ULK4: variants seen among roughly 807,000 people sequenced by gnomAD.
ULK4 encodes the protein unc-51 like kinase 4.
Under a neutral mutation model 160.6 loss-of-function variants are expected in ULK4, and 133 were observed. The observed-to-expected ratio is 0.83, with a 90% confidence interval of 0.72 to 0.96. The LOEUF (loss-of-function observed/expected upper bound fraction) is 0.96, where lower values mean the gene tolerates loss of function less well. Ranked by LOEUF, ULK4 falls within the 40% of genes least tolerant of loss-of-function variation. The pLI, the probability that ULK4 is intolerant of heterozygous loss-of-function variation, is 0.00. For missense variants in ULK4, 1,580 were observed against 1,499.5 expected (o/e 1.05, Z -0.89); for synonymous variants, 534 against 539.8 (o/e 0.99, Z 0.15).
intron 32 of ULK4, among the ~76,000 whole-genome samples, chr3:41,478,587 A>T (rs903380118): frequency 6.6e-6 from 1 of 152,130 alleles, no homozygotes; most frequent in Non-Finnish European, 1.5e-5. Context: ...GAAATCCTGA[A>T]TTTTTGCTGC....
Position 41,706,394 on chromosome 3 carries a change from AT to A in ULK4, c.2635-1090del, listed in dbSNP as rs1048595165. 6.2e-5 allele frequency among the ~76,000 whole-genome samples: 9 copies of A among 146,112 alleles called. No individual in the cohort carries two copies. In the East Asian group the frequency reaches 1.6e-3, roughly 25 times the overall value. On this transcript the variant is annotated intron_variant, in intron 25 of 36. Transcript: ENST00000301831. ...ATATTTAATATATATATTTATATAT[AT>A]TAAATATATATAATTAAATATATAT...
intron 29 of ULK4, among the ~76,000 whole-genome samples, chr3:41,676,970 A>C (rs1427034075): frequency 1.4e-5 from 2 of 144,004 alleles, no homozygotes; most frequent in African/African-American, 5.5e-5. Flanking sequence ...GGAGTGGTAG[A>C]ATCACGGTCA....
intron 35 of ULK4, among the ~76,000 whole-genome samples, chr3:41,375,326 AC>A (rs1354078214): frequency 6.6e-6 from 1 of 151,950 alleles, no homozygotes; most frequent in African/African-American, 2.4e-5. Flanking sequence ...TATAGCCAAG[AC>A]AATCCTAAGC....
chr3:41,524,934 C>T (rs577839291), intron 32 of ULK4, among the ~76,000 whole-genome samples: 13 of 152,114 alleles, frequency 8.5e-5, no homozygotes, highest in African/African-American at 3.1e-4. Flanking sequence ...AAGACTCTGT[C>T]TCCAAAAAGA....
chr3:41,645,878 T>G (rs985459179), intron 30 of ULK4, among the ~76,000 whole-genome samples: 183 of 152,228 alleles, frequency 1.2e-3, no homozygotes, highest in African/African-American at 4.2e-3. Flanking sequence ...GGGTGCTCCT[T>G]TATTAGGTGC....
chr3:41,842,268 T>C (rs1234737581), intron 17 of ULK4, among the ~76,000 whole-genome samples: 2 of 150,566 alleles, frequency 1.3e-5, no homozygotes, highest in African/African-American at 4.9e-5. Context: ...ATCAAGCCAC[T>C]GTACTGCAGC....
At chr3:41,943,749 T>C (rs1046470071) in intron 2 of ULK4, among the ~76,000 whole-genome samples, 13 of 152,044 alleles carry the variant, frequency 8.6e-5, no homozygotes, top group Admixed American at 3.3e-4. Flanking sequence ...ACCTCAACTA[T>C]CCATGCTCCT....
At chr3:41,909,855 T>C (rs1370189096) in intron 11 of ULK4, among the ~76,000 whole-genome samples, 1 of 152,224 alleles carries the variant, frequency 6.6e-6, no homozygotes. Context: ...ACTATTTCTC[T>C]ACGTTAAAAA....
intron 35 of ULK4, among the ~76,000 whole-genome samples, chr3:41,261,553 C>T (rs1212542254): frequency 2.0e-5 from 3 of 152,154 alleles, no homozygotes; most frequent in African/African-American, 7.2e-5. Flanking sequence ...CTGACTAAGC[C>T]GTGTTTCTAG....
chr3:41,386,000 C>A (rs2081799610), intron 35 of ULK4, among the ~76,000 whole-genome samples: 5 of 152,142 alleles, frequency 3.3e-5, no homozygotes, highest in Admixed American at 3.3e-4. Flanking sequence ...TTATTATTAT[C>A]CTTTATACCA....
At chr3:41,380,891 C>G (rs974006516) in intron 35 of ULK4, among the ~76,000 whole-genome samples, 25 of 152,156 alleles carry the variant, frequency 1.6e-4, no homozygotes, top group African/African-American at 5.6e-4. Flanking sequence ...GTAACTGAAA[C>G]TGGGCTTTTC....
Position 41,721,253 on chromosome 3 carries a change from G to T in ULK4, c.2322-3392C>A, listed in dbSNP as rs1047837641. On this transcript the variant is annotated intron_variant, in intron 22 of 36. Coordinates refer to ENST00000301831, the MANE Select transcript of ULK4 (RefSeq NM_017886.4). ...AAGCAGATGAGAAATTTTTCGCTTTGAATTTTTTTTTTTTTTTTTTTTTTT... is the reference window on the plus strand; with the variant it reads ...AAGCAGATGAGAAATTTTTCGCTTTTAATTTTTTTTTTTTTTTTTTTTTTT... Among the ~76,000 whole-genome samples the T allele has an allele frequency of 3.3e-3, 80 of 24,288 alleles. 1 individual carries two copies. Among genetic ancestry groups the T allele is most frequent in the East Asian group, 0.016 (10 of 642 alleles). The allele number at this position is 24,288 out of a possible 152,430, so 15.9% of individuals were successfully genotyped here. A position where few individuals can be genotyped will look rare whatever the true frequency, so the allele number is the denominator to read the frequency against.
intron 17 of ULK4, among the ~76,000 whole-genome samples, chr3:41,877,111 T>TA (rs1018850519): frequency 3.9e-4 from 60 of 152,314 alleles, no homozygotes; most frequent in African/African-American, 1.0e-3. Flanking sequence ...TGTAACTATA[T>TA]ATCATATTGG....
intron 2 of ULK4, among the ~76,000 whole-genome samples, chr3:41,954,181 A>AG (rs1381097685): frequency 8.7e-4 from 131 of 150,232 alleles, no homozygotes; most frequent in Non-Finnish European, 1.7e-3. Flanking sequence ...CGTCTTAAAA[A>AG]AAAAAAAAAA....
At chr3:41,756,430 T>C (rs1211209271) in intron 21 of ULK4, among the ~76,000 whole-genome samples, 1 of 152,206 alleles carries the variant, frequency 6.6e-6, no homozygotes, top group African/African-American at 2.4e-5. Context: ...TTATGGCATA[T>C]GAGGTTCTTC....
intron 22 of ULK4, among the ~76,000 whole-genome samples, chr3:41,723,892 T>A (rs191675274): frequency 1.3e-5 from 2 of 152,034 alleles, no homozygotes; most frequent in Admixed American, 6.6e-5. Flanking sequence ...ACTGGAACAC[T>A]CTGCATGTGC....
intron 17 of ULK4, among the ~76,000 whole-genome samples, chr3:41,838,726 A>G (rs2041829248): frequency 6.6e-6 from 1 of 152,224 alleles, no homozygotes; most frequent in Non-Finnish European, 1.5e-5. Context: ...TCAACAAAAG[A>G]GCTGCCAAAT....
At chr3:41,913,316 C>G (rs1698858701) in intron 8 of ULK4, 1 of 154,792 alleles carries the variant, frequency 6.5e-6, no homozygotes, top group Non-Finnish European at 1.4e-5. Flanking sequence ...AACTCTGCCT[C>G]CCGGGTTCAC....
chr3:41,281,745 C>T (rs1297468768), intron 35 of ULK4, among the ~76,000 whole-genome samples: 1 of 152,186 alleles, frequency 6.6e-6, no homozygotes, highest in African/African-American at 2.4e-5. Flanking sequence ...CAGCACAAAA[C>T]AAGGATGCCC....
Sources: gnomAD v4.1 joint callset for allele counts (sites outside exome capture counted in the v4.1 genomes callset) on GRCh38, gnomAD v4.1.1 for gene constraint, MANE v1.5 for transcripts, NCBI Gene and HGNC (gene_info 2026-07-23, HGNC 2026-07-21) for gene names.